The following DLG2 variants were observed in gnomAD, a reference collection of about 807,000 sequenced individuals.
DLG2 encodes the protein discs large MAGUK scaffold protein 2, also known as disks large homolog 2.
Under a neutral mutation model 132.5 loss-of-function variants are expected in DLG2, and 45 were observed. The observed-to-expected ratio is 0.34, with a 90% CI of 0.27 to 0.44. DLG2 has a LOEUF of 0.44. Ranked by LOEUF, DLG2 falls within the 20% of genes least tolerant of loss-of-function variation. The pLI, the probability that DLG2 is intolerant of heterozygous loss-of-function variation, is 1.00. For missense variants in DLG2, 1,045 were observed against 1,196.9 expected (o/e 0.87, Z 1.87); for synonymous variants, 424 against 419.6 (o/e 1.01, Z -0.13).
chr11:84,752,754 T>C (rs1280994234), intron 6 of DLG2, among the ~76,000 whole-genome samples: 2 of 120,852 alleles, frequency 1.7e-5, no homozygotes, highest in Non-Finnish European at 3.3e-5. Flanking sequence ...GAGTGTGATA[T>C]TCCCCTTCCT....
In DLG2 at chr11:85,271,923, G is replaced by A. The variant is rs185118553; in HGVS notation, c.186+13297C>T. On this transcript the variant is annotated intron_variant, in intron 4 of 27. Coordinates refer to ENST00000376104, the MANE Select transcript of DLG2 (RefSeq NM_001142699.3). ...TGTACTTTTGAGTTAATGCTGAAAT[G>A]AGGTAAGACTTTGGGAGACTTTTGG... Among the ~76,000 whole-genome samples, 295 of 152,326 alleles carry A rather than the reference G, an allele frequency of 1.9e-3. 1 individual carries two copies. Among genetic ancestry groups the A allele is most frequent in the Admixed American group, 3.3e-3 (50 of 15,302 alleles).
chr11:85,624,747 A>C (rs2153280510), intron 2 of DLG2, among the ~76,000 whole-genome samples: 1 of 152,306 alleles, frequency 6.6e-6, no homozygotes, highest in South Asian at 2.1e-4. Flanking sequence ...GTTTATAAGG[A>C]AAATATACAA....
chr11:84,836,525 G>A (rs1322394775), intron 6 of DLG2, among the ~76,000 whole-genome samples: 1 of 151,558 alleles, frequency 6.6e-6, no homozygotes, highest in African/African-American at 2.4e-5. Context: ...CTTTTTATTG[G>A]ACTACTCTAA....
intron 16 of DLG2, among the ~76,000 whole-genome samples, chr11:83,835,528 G>C (rs2055897257): frequency 6.6e-6 from 1 of 152,160 alleles, no homozygotes; most frequent in African/African-American, 2.4e-5. Context: ...TCCTAATATG[G>C]AAGGGTGCCT....
chr11:84,403,062 T>A (rs181857729), intron 7 of DLG2, among the ~76,000 whole-genome samples: 117 of 152,158 alleles, frequency 7.7e-4, no homozygotes, highest in African/African-American at 2.5e-3. Flanking sequence ...TGTTTTTTTT[T>A]AATATCTGAT....
intron 6 of DLG2, among the ~76,000 whole-genome samples, chr11:85,016,185 A>G (rs1228349419): frequency 6.6e-6 from 1 of 152,112 alleles, no homozygotes; most frequent in East Asian, 1.9e-4. Context: ...CAGTTGAGAA[A>G]ATAAATTGTG....
chr11:84,394,349 T>G (rs1374972011), intron 7 of DLG2, among the ~76,000 whole-genome samples: 1 of 152,026 alleles, frequency 6.6e-6, no homozygotes, highest in Non-Finnish European at 1.5e-5. Context: ...TTTTTTTTTT[T>G]TTCCCTGAAA....
At chr11:85,374,972 AC>A (rs1756993126) in intron 3 of DLG2, among the ~76,000 whole-genome samples, 1 of 152,166 alleles carries the variant, frequency 6.6e-6, no homozygotes, top group Non-Finnish European at 1.5e-5. Context: ...GCAAACACAC[AC>A]ACACACACAC....
At chr11:84,979,918 A>G (rs954088353) in intron 6 of DLG2, among the ~76,000 whole-genome samples, 2 of 151,986 alleles carry the variant, frequency 1.3e-5, no homozygotes, top group Admixed American at 6.6e-5. Context: ...CTCATTCCCA[A>G]TCCCTGCCTA....
At chr11:85,162,471 T>C (rs1312821195) in intron 4 of DLG2, among the ~76,000 whole-genome samples, 3 of 152,212 alleles carry the variant, frequency 2.0e-5, no homozygotes, top group Admixed American at 6.5e-5. Flanking sequence ...TAGAAGAAGG[T>C]AGTCATCAAT....
chr11:84,239,719 G>A (rs188966407), intron 8 of DLG2, among the ~76,000 whole-genome samples: 109 of 152,222 alleles, frequency 7.2e-4, no homozygotes, highest in African/African-American at 2.4e-3. Flanking sequence ...GTTTGCAAGC[G>A]TGCTCCCCGA....
intron 11 of DLG2, among the ~76,000 whole-genome samples, chr11:84,034,610 A>G (rs1249934316): frequency 6.6e-6 from 1 of 152,168 alleles, no homozygotes; most frequent in African/African-American, 2.4e-5. Context: ...TTTAGAATGG[A>G]TGAGCAATGT....
At chr11:83,948,018 A>G (rs1022819895) in intron 14 of DLG2, among the ~76,000 whole-genome samples, 15 of 152,240 alleles carry the variant, frequency 9.9e-5, no homozygotes, top group African/African-American at 2.7e-4. Context: ...GATAGCTGTG[A>G]CAGTTTACTA....
At chr11:83,472,360 A>T (rs1299380181) in intron 23 of DLG2, among the ~76,000 whole-genome samples, 1 of 152,176 alleles carries the variant, frequency 6.6e-6, no homozygotes, top group Non-Finnish European at 1.5e-5. Flanking sequence ...TCTTAGGCAG[A>T]TCTGCTAGAA....
chr11:84,634,675 A>G (rs2099637572), intron 6 of DLG2, among the ~76,000 whole-genome samples: 1 of 152,192 alleles, frequency 6.6e-6, no homozygotes, highest in African/African-American at 2.4e-5. Context: ...TCTTTGCTCA[A>G]TTAAACTTTG....
intron 6 of DLG2, among the ~76,000 whole-genome samples, chr11:84,605,689 G>C (rs1023880700): frequency 1.3e-5 from 2 of 151,382 alleles, no homozygotes; most frequent in African/African-American, 4.9e-5. Flanking sequence ...AAAAATCCCA[G>C]AACTCCTGTC....
intron 6 of DLG2, among the ~76,000 whole-genome samples, chr11:84,593,688 C>T (rs1160496987): frequency 6.6e-6 from 1 of 152,122 alleles, no homozygotes; most frequent in Non-Finnish European, 1.5e-5. Context: ...AGCAGAAATA[C>T]CTAATGTAGA....
At chr11:85,315,945 G>A (rs74412165) in intron 3 of DLG2, among the ~76,000 whole-genome samples, 1 of 151,936 alleles carries the variant, frequency 6.6e-6, no homozygotes, top group Admixed American at 6.6e-5. Flanking sequence ...AGGGTGAAAG[G>A]TTCTCCCTCA....
chr11:84,376,978 T>C (rs981460472), intron 7 of DLG2, among the ~76,000 whole-genome samples: 1 of 152,006 alleles, frequency 6.6e-6, no homozygotes, highest in Non-Finnish European at 1.5e-5. Flanking sequence ...TTGTAAAAGA[T>C]ATTATGTGAA....
Sources: allele counts gnomAD v4.1 joint callset (sites outside exome capture counted in the v4.1 genomes callset), GRCh38; gene constraint gnomAD v4.1.1; transcripts MANE v1.5; gene names NCBI Gene and HGNC (gene_info 2026-07-23, HGNC 2026-07-21).